IL1RAPL1: variants seen among roughly 807,000 people sequenced by gnomAD.
IL1RAPL1 encodes the protein interleukin 1 receptor accessory protein like 1, also known as interleukin-1 receptor accessory protein-like 1.
IL1RAPL1 carries 3 observed loss-of-function variants against 48.4 expected under a neutral mutation model. The ratio of observed to expected loss-of-function variants is 0.06; its 90% CI spans 0.03 to 0.16. IL1RAPL1 has a LOEUF of 0.16. IL1RAPL1 is among the 10% of genes least tolerant of loss of function. IL1RAPL1 has a pLI of 1.00. For synonymous variants in IL1RAPL1, 185 were observed against 187.7 expected (o/e 0.99, Z 0.12); for missense variants, 349 against 530.6 (o/e 0.66, Z 3.36).
intron 1 of IL1RAPL1, among the ~76,000 whole-genome samples, chrX:28,733,187 T>G (rs1440806402): frequency 9.0e-6 from 1 of 110,893 alleles, no homozygotes; most frequent in Non-Finnish European, 1.9e-5. Context: ...AGAAAATGCT[T>G]ATCAAATATT....
chrX:28,838,106 C>T, intron 2 of IL1RAPL1, among the ~76,000 whole-genome samples: 1 of 110,687 alleles, frequency 9.0e-6, no homozygotes, highest in Non-Finnish European at 1.9e-5. Flanking sequence ...ACGTTAGTTG[C>T]TATGTGGAAA....
chrX:28,773,061 ATCTC>A (rs112975089), intron 1 of IL1RAPL1, among the ~76,000 whole-genome samples: 24 of 105,416 alleles, frequency 2.3e-4, no homozygotes, highest in Admixed American at 3.1e-4. Flanking sequence ...TTCTTATAAT[ATCTC>A]TCTCTCTCTC....
intron 1 of IL1RAPL1, among the ~76,000 whole-genome samples, chrX:28,660,997 A>G (rs1934816091): frequency 9.0e-6 from 1 of 111,365 alleles, no homozygotes; most frequent in South Asian, 3.7e-4. Flanking sequence ...TATATTAGCA[A>G]AAGAGGTGTT....
intron 3 of IL1RAPL1, among the ~76,000 whole-genome samples, chrX:29,288,243 C>T (rs1932314536): frequency 9.0e-6 from 1 of 110,725 alleles, no homozygotes; most frequent in Non-Finnish European, 1.9e-5. Context: ...CACCTATCAA[C>T]CCATCACCTA....
At chrX:29,435,462 T>C (rs1479085174) in intron 5 of IL1RAPL1, among the ~76,000 whole-genome samples, 1 of 111,168 alleles carries the variant, frequency 9.0e-6, no homozygotes, top group Non-Finnish European at 1.9e-5. Flanking sequence ...TTCTCCACAT[T>C]CTTATCAGCA....
intron 3 of IL1RAPL1, chrX:29,368,853 A>G (rs1174754369): frequency 9.3e-6 from 1 of 107,718 alleles, no homozygotes; most frequent in Admixed American, 1.0e-4. Context: ...CTCTATGACC[A>G]CTCCTTGGAG....
chrX:28,999,795 C>T (rs780510555), intron 2 of IL1RAPL1, among the ~76,000 whole-genome samples: 1 of 111,963 alleles, frequency 8.9e-6, no homozygotes, highest in African/African-American at 3.2e-5. Flanking sequence ...TAAAATACAA[C>T]TTCTTGCGCA....
intron 3 of IL1RAPL1, among the ~76,000 whole-genome samples, chrX:29,347,959 C>A (rs189446906): frequency 1.3e-3 from 149 of 111,587 alleles, no homozygotes; most frequent in African/African-American, 4.3e-3. Flanking sequence ...CAGACCAGAG[C>A]TGGACAGCAT....
chrX:28,843,652 A>T (rs1193141777), intron 2 of IL1RAPL1, among the ~76,000 whole-genome samples: 1 of 112,443 alleles, frequency 8.9e-6, no homozygotes, highest in Admixed American at 9.5e-5. Flanking sequence ...TCAAATTTGT[A>T]TGCATCTTTG....
At chrX:29,144,603 C>CA (rs1235048808) in intron 2 of IL1RAPL1, among the ~76,000 whole-genome samples, 783 of 20,956 alleles carry the variant, frequency 0.037, 13 homozygotes, top group African/African-American at 0.06. Flanking sequence ...AACTCAGTCT[C>CA]AAAAAAAAAA....
rs370707850 is a variant in IL1RAPL1, at chrX:29,274,965, C to CT, written c.83-7961dup. Among the ~76,000 whole-genome samples, 793 of 103,658 alleles carry CT rather than the reference C, an allele frequency of 7.7e-3. 10 individuals are homozygous for CT. Among genetic ancestry groups the CT allele is most frequent in the African/African-American group, 0.021 (613 of 28,784 alleles). 90.0% of individuals were successfully genotyped at this position (103,658 alleles called of 115,157 possible). On this transcript the variant is annotated intron_variant, in intron 2 of 10. Transcript: ENST00000378993. ...TTCCTTGTCATATCCTTTGCTACTT[C>CT]TTTTTTTTTTTTGTAACCTCTATTT... is the stretch of plus-strand genomic sequence containing the variant.
chrX:28,717,324 A>G (rs1171120270), intron 1 of IL1RAPL1, among the ~76,000 whole-genome samples: 3 of 112,276 alleles, frequency 2.7e-5, no homozygotes, highest in African/African-American at 6.5e-5. Context: ...GCCATAAAAA[A>G]GAATGAGATC....
At chrX:29,823,637 T>G (rs1022102706) in intron 6 of IL1RAPL1, among the ~76,000 whole-genome samples, 2 of 112,238 alleles carry the variant, frequency 1.8e-5, no homozygotes, top group African/African-American at 6.5e-5. Flanking sequence ...AATTAGTTTC[T>G]AAAGGGTCAA....
chrX:28,969,787 G>C (rs765204265), intron 2 of IL1RAPL1, among the ~76,000 whole-genome samples: 1 of 107,746 alleles, frequency 9.3e-6, no homozygotes, highest in African/African-American at 3.4e-5. Context: ...TCTTTGGATA[G>C]ACAATATTTT....
intron 3 of IL1RAPL1, among the ~76,000 whole-genome samples, chrX:29,331,019 T>C (rs1365561280): frequency 9.1e-6 from 1 of 109,890 alleles, no homozygotes. Context: ...ATGCAAAAAT[T>C]AGCTGGGTGT....
intron 5 of IL1RAPL1, among the ~76,000 whole-genome samples, chrX:29,415,844 A>G (rs2879753): frequency 0.39 from 43,056 of 111,600 alleles, 6,698 homozygotes; most frequent in Middle Eastern, 0.56. Context: ...GGTTCCCATT[A>G]GACTTAATGA....
intron 1 of IL1RAPL1, among the ~76,000 whole-genome samples, chrX:28,778,678 A>T (rs1475089083): frequency 9.0e-6 from 1 of 111,647 alleles, no homozygotes; most frequent in Non-Finnish European, 1.9e-5. Context: ...CATTTACAGT[A>T]TTTTTTCTTG....
chrX:28,924,865 G>GC (rs1335962241), intron 2 of IL1RAPL1, among the ~76,000 whole-genome samples: 1 of 112,060 alleles, frequency 8.9e-6, no homozygotes, highest in African/African-American at 3.2e-5. Context: ...ATTGGAAGAA[G>GC]CAAGGGCACA....
At chrX:28,634,295 C>T (rs1934434785) in intron 1 of IL1RAPL1, among the ~76,000 whole-genome samples, 1 of 109,079 alleles carries the variant, frequency 9.2e-6, no homozygotes, top group South Asian at 3.9e-4. Flanking sequence ...AGCCACCACG[C>T]CAGGTCTGGT....
Sources: allele counts gnomAD v4.1 joint callset (sites outside exome capture counted in the v4.1 genomes callset), GRCh38; gene constraint gnomAD v4.1.1; transcripts MANE v1.5; gene names NCBI Gene and HGNC (gene_info 2026-07-23, HGNC 2026-07-21).